The following ZNF385D variants were observed in gnomAD, a reference collection of about 807,000 sequenced individuals.
ZNF385D encodes the protein zinc finger protein 659.
In ZNF385D, 15 loss-of-function variants were observed where a neutral mutation model predicts 35.8. That is an observed-to-expected ratio of 0.42 (90% confidence interval 0.28 to 0.64). The LOEUF (loss-of-function observed/expected upper bound fraction) is 0.64. ZNF385D is among the 30% of genes least tolerant of loss of function. The probability of loss-of-function intolerance (pLI) is 0.23; values close to 1 mark genes in which losing one functional copy is unlikely to be tolerated. For missense variants in ZNF385D, 474 were observed against 494.6 expected (o/e 0.96, Z 0.39); for synonymous variants, 212 against 186.8 (o/e 1.13, Z -1.10).
chr3:21,948,104 A>C (rs967237570), intron 3 of ZNF385D, among the ~76,000 whole-genome samples: 3 of 151,970 alleles, frequency 2.0e-5, no homozygotes, highest in Admixed American at 6.5e-5. Context: ...TTTCCTGTCA[A>C]TATCACACTA....
chr3:21,964,703 G>A (rs1261803269), intron 3 of ZNF385D, among the ~76,000 whole-genome samples: 1 of 151,792 alleles, frequency 6.6e-6, no homozygotes, highest in Non-Finnish European at 1.5e-5. Flanking sequence ...TGTTGGCCAG[G>A]CTGGTCTCGA....
intron 1 of ZNF385D, among the ~76,000 whole-genome samples, chr3:21,712,923 C>T (rs895668426): frequency 1.3e-5 from 2 of 152,194 alleles, no homozygotes; most frequent in African/African-American, 2.4e-5. Context: ...CTTTCAGTCT[C>T]AACCCATCAC....
intron 2 of ZNF385D, among the ~76,000 whole-genome samples, chr3:22,209,762 CAT>C (rs67025521): frequency 0.56 from 33,482 of 59,266 alleles, 4,146 homozygotes; most frequent in African/African-American, 0.6. Flanking sequence ...AAAGAACAAT[CAT>C]TTTTTTTTTC....
intron 3 of ZNF385D, among the ~76,000 whole-genome samples, chr3:21,977,402 C>T (rs901730298): frequency 2.6e-5 from 4 of 151,992 alleles, no homozygotes; most frequent in African/African-American, 9.7e-5. Flanking sequence ...CTAATAAACT[C>T]CCTCTGAATA....
At chr3:22,180,256 T>G (rs1216086233) in intron 2 of ZNF385D, among the ~76,000 whole-genome samples, 1 of 152,190 alleles carries the variant, frequency 6.6e-6, no homozygotes, top group Non-Finnish European at 1.5e-5. Context: ...AATCTCTGAA[T>G]AGACCAATAA....
At chr3:21,708,472 T>C (rs2067986381) in intron 1 of ZNF385D, among the ~76,000 whole-genome samples, 1 of 152,174 alleles carries the variant, frequency 6.6e-6, no homozygotes, top group African/African-American at 2.4e-5. Flanking sequence ...TATTCCCTCC[T>C]CCTATAATTT....
intron 2 of ZNF385D, among the ~76,000 whole-genome samples, chr3:21,633,097 T>A (rs1294790662): frequency 6.6e-6 from 1 of 152,074 alleles, no homozygotes; most frequent in South Asian, 2.1e-4. Flanking sequence ...CAGAAAAAAT[T>A]ATCATTTTTT....
intron 2 of ZNF385D, among the ~76,000 whole-genome samples, chr3:21,652,976 C>T (rs942593597): frequency 5.9e-5 from 9 of 151,912 alleles, no homozygotes; most frequent in African/African-American, 2.2e-4. Context: ...TTTTCCTTAC[C>T]TCTTCCAGTG....
At chr3:22,241,219 G>GA (rs1214116906) in intron 2 of ZNF385D, among the ~76,000 whole-genome samples, 1 of 151,106 alleles carries the variant, frequency 6.6e-6, no homozygotes, top group Non-Finnish European at 1.5e-5. Context: ...GATGTCTTCT[G>GA]AAAAACCAAG....
At chr3:21,498,008 A>T (rs1327763466) in intron 4 of ZNF385D, among the ~76,000 whole-genome samples, 1 of 152,172 alleles carries the variant, frequency 6.6e-6, no homozygotes, top group Non-Finnish European at 1.5e-5. Context: ...AGGTACTGGT[A>T]CAAAAACAGG....
chr3:22,246,850 T>G (rs1699810565), intron 2 of ZNF385D, among the ~76,000 whole-genome samples: 1 of 152,178 alleles, frequency 6.6e-6, no homozygotes, highest in Non-Finnish European at 1.5e-5. Context: ...AAATTCTGAT[T>G]CTAATTACCA....
chr3:21,441,407 G>C (rs2125246282), intron 4 of ZNF385D, among the ~76,000 whole-genome samples: 1 of 152,236 alleles, frequency 6.6e-6, no homozygotes, highest in East Asian at 1.9e-4. Flanking sequence ...CTGCCAACAG[G>C]TAACACAATG....
At chr3:21,556,843 T>C (rs573280093) in intron 3 of ZNF385D, among the ~76,000 whole-genome samples, 1 of 152,326 alleles carries the variant, frequency 6.6e-6, no homozygotes, top group South Asian at 2.1e-4. Context: ...CCTCTCTTAT[T>C]TCCTTGAGCA....
chr3:21,950,734 G>C (rs1266544720), intron 3 of ZNF385D, among the ~76,000 whole-genome samples: 3 of 151,714 alleles, frequency 2.0e-5, no homozygotes, highest in Non-Finnish European at 4.4e-5. Context: ...TAAGGTGTAA[G>C]GAAGGGGTCC....
chr3:22,360,503 A>G (rs1162058579), intron 2 of ZNF385D, among the ~76,000 whole-genome samples: 1 of 151,938 alleles, frequency 6.6e-6, no homozygotes, highest in African/African-American at 2.4e-5. Flanking sequence ...CTCGAGGATA[A>G]TCATCCAAAT....
At chr3:22,318,605 T>C (rs1704031395) in intron 2 of ZNF385D, among the ~76,000 whole-genome samples, 1 of 152,162 alleles carries the variant, frequency 6.6e-6, no homozygotes, top group African/African-American at 2.4e-5. Context: ...TGCCTGCATT[T>C]TTCAGCAATA....
chr3:21,533,870 T>A (rs996030633), intron 3 of ZNF385D, among the ~76,000 whole-genome samples: 2 of 152,120 alleles, frequency 1.3e-5, no homozygotes, highest in African/African-American at 4.8e-5. Context: ...TCAATTATAT[T>A]ACTGAAGACA....
chr3:22,349,157 T>G (rs1282262174), intron 2 of ZNF385D, among the ~76,000 whole-genome samples: 2 of 152,164 alleles, frequency 1.3e-5, no homozygotes, highest in Admixed American at 6.5e-5. Flanking sequence ...AATCTTTGTA[T>G]GCTGAGTGCC....
intron 3 of ZNF385D, among the ~76,000 whole-genome samples, chr3:21,765,296 G>A (rs1453082243): frequency 6.6e-6 from 1 of 151,922 alleles, no homozygotes; most frequent in Non-Finnish European, 1.5e-5. Context: ...ATAAAAGTAA[G>A]GGATCAATAC....
Sources: gnomAD v4.1 joint callset for allele counts (sites outside exome capture counted in the v4.1 genomes callset) on GRCh38, gnomAD v4.1.1 for gene constraint, MANE v1.5 for transcripts, NCBI Gene and HGNC (gene_info 2026-07-23, HGNC 2026-07-21) for gene names.